The following POLR1D variants were observed in gnomAD, a reference collection of about 807,000 sequenced individuals.
The protein encoded by POLR1D is RNA polymerase I and III subunit D, also known as DNA-directed RNA polymerases I and III subunit RPAC2.
POLR1D carries 8 observed loss-of-function variants against 10.8 expected under a neutral mutation model. The observed-to-expected ratio is 0.74, with a 90% confidence interval of 0.43 to 1.33. The LOEUF is 1.33. POLR1D is among the 40% of genes most tolerant of loss of function. The pLI is 0.01. For synonymous variants in POLR1D, 54 were observed against 57.2 expected (o/e 0.94, Z 0.25); for missense variants, 152 against 161.7 (o/e 0.94, Z 0.32).
intron 2 of POLR1D, among the ~76,000 whole-genome samples, chr13:27,662,941 G>C (rs1014706654): frequency 6.6e-6 from 1 of 152,122 alleles, no homozygotes; most frequent in Non-Finnish European, 1.5e-5. Flanking sequence ...CCAAAGTCCA[G>C]TCTGTTAGTG....
At chr13:27,641,864 A>G (rs755013939) in intron 1 of POLR1D, among the ~76,000 whole-genome samples, 4 of 152,218 alleles carry the variant, frequency 2.6e-5, no homozygotes, top group East Asian at 1.9e-4. Flanking sequence ...TGCATGTAAC[A>G]GCAAATGTAG....
At chr13:27,622,406 A>T in intron 1 of POLR1D, 1 of 299,882 alleles carries the variant, frequency 3.3e-6, no homozygotes, top group Non-Finnish European at 6.2e-6. Flanking sequence ...CTGCTGCTTG[A>T]CTCCTGAACC....
intron 1 of POLR1D, among the ~76,000 whole-genome samples, chr13:27,635,833 C>G (rs185837470): frequency 6.6e-6 from 1 of 151,580 alleles, no homozygotes; most frequent in Admixed American, 6.6e-5. Context: ...CCTTGAATAT[C>G]ACAGGATCAC....
intron 1 of POLR1D, among the ~76,000 whole-genome samples, chr13:27,630,031 C>T (rs1037146591): frequency 7.2e-5 from 11 of 152,300 alleles, no homozygotes; most frequent in Non-Finnish European, 1.3e-4. Context: ...TCTGCCTCAG[C>T]CTCCTGTGTA....
At chr13:27,630,456 T>C (rs1305922456) in intron 1 of POLR1D, among the ~76,000 whole-genome samples, 1 of 152,164 alleles carries the variant, frequency 6.6e-6, no homozygotes, top group African/African-American at 2.4e-5. Context: ...ACAATTTTTG[T>C]TTTTTGTTTT....
chr13:27,622,190 T>C, intron 1 of POLR1D, 181 bp downstream of exon 1: 1 of 631,912 alleles, frequency 1.6e-6, no homozygotes, highest in Non-Finnish European at 2.8e-6. Flanking sequence ...GTACACTAGC[T>C]ATCAAGGAGG....
At chr13:27,664,684 A>T (rs1956397984) in intron 2 of POLR1D, 1 of 152,226 alleles carries the variant, frequency 6.6e-6, no homozygotes, top group Admixed American at 6.5e-5. Flanking sequence ...TCACCTGTAC[A>T]GTACTAGTCC....
In POLR1D at chr13:27,665,793, A is replaced by C. The variant is rs572688780; in HGVS notation, c.209A>C (p.Lys70Thr). ...GACCATGAACAAAAAGAGGGCGATA[A>C]GGAACCAGCGAAGAGCCAGGCCCAG... Residue 70 changes from lysine (K) to threonine (T), a missense_variant, in exon 3 of 3, where the codon AAG becomes ACG. Transcript: ENST00000399697. The C allele has an allele frequency of 2.5e-5, 41 of 1,614,122 alleles. No homozygotes were observed. The East Asian group carries it at 7.1e-4, about 28-fold the overall frequency.
chr13:27,627,409 A>G (rs1956023977), downstream of POLR1D, among the ~76,000 whole-genome samples: 2 of 152,162 alleles, frequency 1.3e-5, no homozygotes, highest in African/African-American at 4.8e-5. Context: ...ATAAGAGACT[A>G]TGAGTCTGTC....
intron 1 of POLR1D, among the ~76,000 whole-genome samples, chr13:27,637,561 A>T (rs1431313302): frequency 1.3e-5 from 2 of 152,236 alleles, no homozygotes; most frequent in Non-Finnish European, 1.5e-5. Flanking sequence ...AGTTAGGTTT[A>T]TGTGTATGTT....
chr13:27,631,297 G>A (rs889254827), intron 1 of POLR1D, among the ~76,000 whole-genome samples: 4 of 152,188 alleles, frequency 2.6e-5, no homozygotes, highest in Non-Finnish European at 5.9e-5. Context: ...GCTGCTACAT[G>A]CCATGGCAGC....
intron 1 of POLR1D, among the ~76,000 whole-genome samples, chr13:27,634,536 T>A (rs903900540): frequency 6.6e-6 from 1 of 152,102 alleles, no homozygotes; most frequent in African/African-American, 2.4e-5. Flanking sequence ...ACAAGTTTAA[T>A]CCTCCTTCAA....
At chr13:27,642,024 G>A (rs74644051) in intron 1 of POLR1D, among the ~76,000 whole-genome samples, 3,597 of 152,250 alleles carry the variant, frequency 0.024, 72 homozygotes, top group Middle Eastern at 0.051. Flanking sequence ...CACCCTCTCT[G>A]TAGTGGCACC....
chr13:27,661,603 C>T (rs747039531), intron 2 of POLR1D, among the ~76,000 whole-genome samples: 9 of 152,078 alleles, frequency 5.9e-5, no homozygotes, highest in African/African-American at 9.7e-5. Context: ...AGATGGTTAC[C>T]CTAAAGCTGA....
At chr13:27,666,122 A>G (rs1251442124) in exon 3 of POLR1D, 2 of 619,094 alleles carry the variant, frequency 3.2e-6, no homozygotes, top group Non-Finnish European at 5.6e-6. Flanking sequence ...TGACCTAGCA[A>G]CTCTTGAGGA....
At chr13:27,620,806 C>G (rs554609543), upstream of POLR1D, 4 of 153,618 alleles carry the variant, frequency 2.6e-5, no homozygotes, top group African/African-American at 9.6e-5. Context: ...CGCCTGATTC[C>G]CCTGCGGAAG....
intron 1 of POLR1D, among the ~76,000 whole-genome samples, chr13:27,645,934 G>C (rs1226077290): frequency 2.0e-5 from 3 of 152,202 alleles, no homozygotes; most frequent in Non-Finnish European, 4.4e-5. Flanking sequence ...TCAAGCTCTT[G>C]AAAGCACCTA....
chr13:27,653,555 A>G (rs538246263), intron 2 of POLR1D, among the ~76,000 whole-genome samples: 1 of 152,244 alleles, frequency 6.6e-6, no homozygotes, highest in South Asian at 2.1e-4. Flanking sequence ...TGGTTATCTC[A>G]ATTGTCTTGG....
At chr13:27,631,052 A>G (rs1417109828) in intron 1 of POLR1D, among the ~76,000 whole-genome samples, 1 of 152,228 alleles carries the variant, frequency 6.6e-6, no homozygotes, top group Non-Finnish European at 1.5e-5. Context: ...TCGTTTGCTC[A>G]GAGAGACCAT....
Sources: gnomAD v4.1 joint callset for allele counts (sites outside exome capture counted in the v4.1 genomes callset) on GRCh38, gnomAD v4.1.1 for gene constraint, MANE v1.5 for transcripts, NCBI Gene and HGNC (gene_info 2026-07-23, HGNC 2026-07-21) for gene names.